The following PARD3B variants were observed in gnomAD, a reference collection of about 807,000 sequenced individuals.
PARD3B encodes partitioning defective 3 homolog B.
PARD3B carries 103 observed loss-of-function variants against 130.2 expected under a neutral mutation model. That is an observed-to-expected ratio of 0.79 (90% CI 0.67 to 0.93). PARD3B has a LOEUF of 0.93. Ranked by LOEUF, PARD3B falls within the 40% of genes least tolerant of loss-of-function variation. The probability of loss-of-function intolerance (pLI) is 0.00; values close to 1 mark genes in which losing one functional copy is unlikely to be tolerated. For synonymous variants in PARD3B, 583 were observed against 553.2 expected (o/e 1.05, Z -0.76); for missense variants, 1,609 against 1,499.2 (o/e 1.07, Z -1.21).
At chr2:204,696,981 C>A (rs966121637) in intron 2 of PARD3B, among the ~76,000 whole-genome samples, 2 of 152,026 alleles carry the variant, frequency 1.3e-5, no homozygotes, top group East Asian at 3.9e-4. Flanking sequence ...AATTGAAATA[C>A]ACATGTTTAT....
intron 2 of PARD3B, among the ~76,000 whole-genome samples, chr2:204,713,877 A>T (rs2038590210): frequency 6.6e-6 from 1 of 152,048 alleles, no homozygotes; most frequent in Non-Finnish European, 1.5e-5. Context: ...TTCCCCAAGA[A>T]GTTCTTGTTC....
chr2:204,826,894 C>T (rs2043600249), intron 2 of PARD3B, among the ~76,000 whole-genome samples: 2 of 151,982 alleles, frequency 1.3e-5, no homozygotes, highest in Admixed American at 1.3e-4. Flanking sequence ...GTGGTATGTG[C>T]CTATAGTCCT....
rs1446318992 is a variant in PARD3B, at chr2:205,550,229, C to T, written c.3181-3095C>T. ...AGGTTTGAGATGACGCTTCAACACC[C>T]GTATGACGCTGTCTTCAACTCTCCC... On this transcript the variant is annotated intron_variant, in intron 21 of 22. Coordinates refer to ENST00000406610, the MANE Select transcript of PARD3B (RefSeq NM_001302769.2). This position sits in a 1 kb window ranked among gnomAD's most constrained non-coding sequence, Gnocchi z 4.5. Among the ~76,000 whole-genome samples the T allele has an allele frequency of 1.3e-5, 2 of 152,176 alleles. No homozygotes were observed. The highest frequency in any genetic ancestry group is 4.8e-5 in the African/African-American group (2 of 41,434).
chr2:204,755,338 A>G (rs888355164), intron 2 of PARD3B, among the ~76,000 whole-genome samples: 30 of 152,236 alleles, frequency 2.0e-4, no homozygotes, highest in African/African-American at 7.2e-4. Flanking sequence ...CTACCCAAAT[A>G]TGAAATTGAT....
chr2:205,313,305 G>A (rs142777360), intron 18 of PARD3B, among the ~76,000 whole-genome samples: 108 of 152,246 alleles, frequency 7.1e-4, no homozygotes, highest in East Asian at 3.9e-3. Context: ...CACAGAGTTC[G>A]CTTAATATCT....
intron 18 of PARD3B, among the ~76,000 whole-genome samples, chr2:205,364,346 A>C (rs2668150): frequency 0.81 from 123,165 of 151,758 alleles, 50,509 homozygotes; most frequent in Admixed American, 0.89. Context: ...GATAAGAGAA[A>C]TGGCATTCCC....
chr2:204,800,614 C>T (rs1193313567), intron 2 of PARD3B, among the ~76,000 whole-genome samples: 1 of 152,130 alleles, frequency 6.6e-6, no homozygotes, highest in Admixed American at 6.5e-5. Context: ...GAATAGAGCC[C>T]TTTGTCAGAC....
At position 205,238,890 on chromosome 2, in the gene PARD3B, A is replaced by ATATATATATATATATGTATGTG. The variant is rs1559575155; in HGVS notation, c.2141-6873_2141-6872insGTATGTGTATATATATATATAT. ...TATATATATATATGTATGTGTGTAT[A>ATATATATATATATATGTATGTG]TATATATATATATATATATGTATGT... is the stretch of plus-strand genomic sequence containing the variant. On this transcript the variant is annotated intron_variant, in intron 15 of 22. Coordinates refer to ENST00000406610, the MANE Select transcript of PARD3B (RefSeq NM_001302769.2). Among the ~76,000 whole-genome samples, 24 of 102,720 alleles carry ATATATATATATATATGTATGTG rather than the reference A, an allele frequency of 2.3e-4. 1 individual carries two copies. The highest frequency in any genetic ancestry group is 9.7e-4 in the African/African-American group (23 of 23,612). 67.4% of individuals were successfully genotyped at this position (102,720 alleles called of 152,430 possible).
At chr2:205,447,404 C>T (rs1026236144) in intron 20 of PARD3B, among the ~76,000 whole-genome samples, 2 of 152,126 alleles carry the variant, frequency 1.3e-5, no homozygotes, top group African/African-American at 4.8e-5. Flanking sequence ...TGAGATGGAG[C>T]TTCACTCTTG....
rs140362067 is a variant in PARD3B, at chr2:204,580,884, A to G, written c.120+34765A>G. On this transcript the variant is annotated intron_variant, in intron 1 of 22. Transcript: ENST00000406610. ...TAGAATCATAAATTTGGAAGCAAACATATCTTTTGTTAAAGTATATTTTTA... is the reference window on the plus strand; with the variant it reads ...TAGAATCATAAATTTGGAAGCAAACGTATCTTTTGTTAAAGTATATTTTTA... 1.7e-3 allele frequency among the ~76,000 whole-genome samples: 259 copies of G among 152,328 alleles called. 1 individual carries two copies. Among genetic ancestry groups the G allele is most frequent in the Non-Finnish European group, 3.0e-3 (203 of 68,034 alleles).
intron 18 of PARD3B, among the ~76,000 whole-genome samples, chr2:205,343,444 A>AC (rs2043620399): frequency 6.6e-6 from 1 of 152,322 alleles, no homozygotes; most frequent in South Asian, 2.1e-4. Context: ...TTGCCTTCAG[A>AC]CATGCTTTGC....
intron 2 of PARD3B, among the ~76,000 whole-genome samples, chr2:204,723,528 A>T (rs2039088229): frequency 6.6e-6 from 1 of 152,168 alleles, no homozygotes; most frequent in Non-Finnish European, 1.5e-5. Flanking sequence ...CAATTTCTTA[A>T]TGCTTTATTA....
chr2:204,783,308 G>C (rs533630257), intron 2 of PARD3B, among the ~76,000 whole-genome samples: 9 of 152,084 alleles, frequency 5.9e-5, no homozygotes, highest in African/African-American at 2.2e-4. Context: ...CTGACTTGTA[G>C]ACAGCAGTCA....
chr2:205,044,000 C>T (rs1463976838), intron 3 of PARD3B, among the ~76,000 whole-genome samples: 2 of 144,860 alleles, frequency 1.4e-5, no homozygotes, highest in East Asian at 4.3e-4. Flanking sequence ...TGTTCCCCTT[C>T]CTGTGTCCAT....
rs569546481 is a variant in PARD3B at position 204,809,125 on chromosome 2, G to T, written c.222+122843G>T. The stretch of plus-strand genomic sequence containing the variant: ...TTGCCCACTTTTAATGGGTTTGTCT[G>T]TTTTTTTTTCTTGTAAATTTGTTTA... On this transcript the variant is annotated intron_variant, in intron 2 of 22. Coordinates refer to ENST00000406610, the MANE Select transcript of PARD3B (RefSeq NM_001302769.2). Among the ~76,000 whole-genome samples the T allele has an allele frequency of 2.7e-3, 408 of 149,744 alleles. 1 individual carries two copies. The highest frequency in any genetic ancestry group is 9.8e-3 in the African/African-American group (401 of 40,904).
intron 10 of PARD3B, among the ~76,000 whole-genome samples, chr2:205,129,777 T>G (rs2031822132): frequency 1.3e-5 from 2 of 152,206 alleles, no homozygotes; most frequent in Admixed American, 6.5e-5. Flanking sequence ...ACACTTAAGC[T>G]AAGGGAGCAT....
At chr2:205,418,432 A>G (rs1421244628) in intron 19 of PARD3B, among the ~76,000 whole-genome samples, 4 of 114,198 alleles carry the variant, frequency 3.5e-5, no homozygotes, top group African/African-American at 1.4e-4. Flanking sequence ...GATTAAGGAG[A>G]GAGCAGAGAG....
intron 2 of PARD3B, among the ~76,000 whole-genome samples, chr2:204,814,859 A>G (rs1000554195): frequency 2.6e-5 from 4 of 151,902 alleles, no homozygotes; most frequent in Admixed American, 2.0e-4. Flanking sequence ...TTTTGTTAAT[A>G]TGGTGAGTTA....
chr2:205,337,221 T>C (rs568302403), intron 18 of PARD3B, among the ~76,000 whole-genome samples: 36 of 152,316 alleles, frequency 2.4e-4, no homozygotes, highest in Non-Finnish European at 4.7e-4. Context: ...CATGCCTAGT[T>C]GAAAGATATT....
Sources: allele counts gnomAD v4.1 joint callset (sites outside exome capture counted in the v4.1 genomes callset), GRCh38; gene constraint gnomAD v4.1.1; non-coding constraint Gnocchi (gnomAD v3.1); transcripts MANE v1.5; gene names NCBI Gene and HGNC (gene_info 2026-07-23, HGNC 2026-07-21).